The following CSN3 variants were observed in gnomAD, a reference collection of about 807,000 sequenced individuals.
The protein encoded by CSN3 is casein kappa.
A neutral mutation model predicts 9.9 loss-of-function variants in CSN3; 7 were observed. That is an observed-to-expected ratio of 0.71 (90% confidence interval 0.40 to 1.33). The LOEUF (loss-of-function observed/expected upper bound fraction) is 1.33, where lower values mean the gene tolerates loss of function less well. CSN3 is among the 40% of genes most tolerant of loss of function. The pLI is 0.01. For missense variants in CSN3, 253 were observed against 227.9 expected, an observed-to-expected ratio of 1.11 and a Z score of -0.71; for synonymous variants, 88 against 82.3, an observed-to-expected ratio of 1.07 and a Z score of -0.37.
At chr4:70,247,954 C>A (rs1730412863) in intron 3 of CSN3, 104 bp downstream of exon 3, 2 of 739,686 alleles carry the variant, frequency 2.7e-6, no homozygotes, top group East Asian at 3.0e-5. Context: ...CTAAATATTT[C>A]ATTTCCATAA....
chr4:70,238,507 AG>A (rs1730215365), upstream of CSN3, among the ~76,000 whole-genome samples: 3 of 151,938 alleles, frequency 2.0e-5, no homozygotes, highest in African/African-American at 7.2e-5. Flanking sequence ...CCTAGCAAAA[AG>A]TTTGAATGTA....
intron 1 of CSN3, among the ~76,000 whole-genome samples, chr4:70,243,968 C>A (rs139321382): frequency 2.0e-5 from 3 of 152,124 alleles, no homozygotes; most frequent in Non-Finnish European, 4.4e-5. Context: ...ATCCTACATA[C>A]TTCTGTTGGA....
chr4:70,247,024 A>C (rs1412079241), intron 2 of CSN3, among the ~76,000 whole-genome samples: 2 of 152,078 alleles, frequency 1.3e-5, no homozygotes, highest in East Asian at 3.9e-4. Flanking sequence ...AAAGAAAAGC[A>C]AGTCTTTGTC....
At chr4:70,238,908 G>C (rs927279332), upstream of CSN3, among the ~76,000 whole-genome samples, 3 of 151,834 alleles carry the variant, frequency 2.0e-5, no homozygotes, top group Non-Finnish European at 4.4e-5. Flanking sequence ...CGTGAAACAG[G>C]GTATGTTTGG....
chr4:70,246,147 A>T (rs897633317), intron 2 of CSN3, among the ~76,000 whole-genome samples: 5 of 152,184 alleles, frequency 3.3e-5, no homozygotes, highest in Non-Finnish European at 7.4e-5. Context: ...CATCAATGTG[A>T]TACCATGTTA....
At chr4:70,250,348 C>T (rs1424044945) in intron 4 of CSN3, among the ~76,000 whole-genome samples, 1 of 152,082 alleles carries the variant, frequency 6.6e-6, no homozygotes, top group Non-Finnish European at 1.5e-5. Context: ...AAATACCAGA[C>T]AATGGTCTGT....
intron 2 of CSN3, 58 bp downstream of exon 2, chr4:70,244,931 CT>C: frequency 1.0e-6 from 1 of 1,001,510 alleles, no homozygotes. Flanking sequence ...TGTTTAAGGG[CT>C]TTAACTATGC....
chr4:70,248,770 A>G (rs1442485374), intron 3 of CSN3, among the ~76,000 whole-genome samples: 1 of 151,128 alleles, frequency 6.6e-6, no homozygotes, highest in Non-Finnish European at 1.5e-5. Flanking sequence ...TTCTTGAAAC[A>G]AATATTATAT....
upstream of CSN3, among the ~76,000 whole-genome samples, chr4:70,241,082 T>C (rs1478071143): frequency 2.0e-5 from 3 of 152,004 alleles, no homozygotes; most frequent in Non-Finnish European, 2.9e-5. Flanking sequence ...CTGAAAATCA[T>C]TATCACTCTT....
At chr4:70,241,480 C>G (rs879405260), upstream of CSN3, among the ~76,000 whole-genome samples, 1 of 152,042 alleles carries the variant, frequency 6.6e-6, no homozygotes, top group Non-Finnish European at 1.5e-5. Flanking sequence ...TGTTTGTGTT[C>G]TGGCAGTCCT....
At chr4:70,249,449 C>T in exon 4 of CSN3, 2 of 1,611,374 alleles carry the variant, frequency 1.2e-6, no homozygotes, top group Non-Finnish European at 1.7e-6. Flanking sequence ...GTTACTCCAC[C>T]TACGGCATAA....
At chr4:70,250,826 A>G (rs1730468927) in intron 4 of CSN3, among the ~76,000 whole-genome samples, 1 of 152,150 alleles carries the variant, frequency 6.6e-6, no homozygotes, top group African/African-American at 2.4e-5. Flanking sequence ...TTGCTGAAAA[A>G]CAGGGAAAAT....
intron 2 of CSN3, 58 bp from the exon 3 acceptor site, chr4:70,247,748 AACTGATTTAAGT>A (rs1316268228): frequency 2.4e-6 from 3 of 1,260,860 alleles, no homozygotes; most frequent in Admixed American, 2.3e-5. Flanking sequence ...AGATTTTTTT[AACTGATTTAAGT>A]ACTTTTTTTT....
chr4:70,246,787 T>C lies in CSN3; in HGVS notation c.55-1031T>C, dbSNP rs374319689. Among the ~76,000 whole-genome samples, 12 of 151,566 alleles carry C rather than the reference T, an allele frequency of 7.9e-5. No individual in the cohort carries two copies. In the East Asian group the frequency reaches 1.8e-3, roughly 22 times the overall value. ...CCCAGGTTTAAGCGATTTTCCTGCC[T>C]CAGCCTCCCAAGTAGCTGGGACTAC... On this transcript the variant is annotated intron_variant, in intron 2 of 4. Transcript: ENST00000304954.
intron 2 of CSN3, among the ~76,000 whole-genome samples, chr4:70,246,480 CAACTATAAAAATGT>C (rs1486775564): frequency 6.6e-6 from 1 of 151,650 alleles, no homozygotes; most frequent in Admixed American, 6.6e-5. Flanking sequence ...ACTTAGTTAT[CAACTATAAAAATGT>C]AACTATGAAA....
rs549864106 is a variant in CSN3 at position 70,244,605 on chromosome 4, G to A, written c.-8-207G>A. Among the ~76,000 whole-genome samples the A allele has an allele frequency of 4.9e-4, 75 of 151,926 alleles. 1 individual carries two copies. Among genetic ancestry groups the A allele is most frequent in the Middle Eastern group, 3.4e-3 (1 of 294 alleles). On this transcript the variant is annotated intron_variant, in intron 1 of 4. Transcript: ENST00000304954. ...ATAGTAATGATAATTTGATAATTCC[G>A]TTAATATTGTCAAAAATTAAATTCA... is the stretch of plus-strand genomic sequence containing the variant.
At chr4:70,243,130 T>G (rs1025500399) in intron 1 of CSN3, 2 of 885,634 alleles carry the variant, frequency 2.3e-6, no homozygotes, top group Non-Finnish European at 1.4e-6. Context: ...AATTCTACCA[T>G]TTCACGAATT....
intron 1 of CSN3, among the ~76,000 whole-genome samples, chr4:70,244,142 C>T (rs893204484): frequency 6.6e-6 from 1 of 152,082 alleles, no homozygotes; most frequent in Admixed American, 6.6e-5. Context: ...TATAGTCATA[C>T]ACTTTCTAGT....
upstream of CSN3, among the ~76,000 whole-genome samples, chr4:70,238,384 T>C (rs1231409128): frequency 6.6e-6 from 1 of 151,500 alleles, no homozygotes; most frequent in East Asian, 2.0e-4. Flanking sequence ...TAGGAGAGAG[T>C]TTGGCACATT....
Sources: allele counts gnomAD v4.1 joint callset (sites outside exome capture counted in the v4.1 genomes callset), GRCh38; gene constraint gnomAD v4.1.1; transcripts MANE v1.5; gene names NCBI Gene and HGNC (gene_info 2026-07-23, HGNC 2026-07-21).